RBP4: variants seen among roughly 807,000 people sequenced by gnomAD.
RBP4 encodes the protein retinol-binding protein 4.
RBP4 carries 9 observed loss-of-function variants against 26.2 expected under a neutral mutation model. The ratio of observed to expected loss-of-function variants is 0.34; its 90% CI spans 0.21 to 0.60. The LOEUF is 0.60. Among genes scored for constraint, RBP4 ranks in the 20% least tolerant of loss-of-function variants. The pLI is 0.80. For missense variants in RBP4, 244 were observed against 271.3 expected, an observed-to-expected ratio of 0.90 and a Z score of 0.71; for synonymous variants, 114 against 111.0, an observed-to-expected ratio of 1.03 and a Z score of -0.17.
chr10:93,592,035 T>A lies in RBP4; in HGVS notation c.*40A>T. The A allele has an allele frequency of 6.5e-7, 1 of 1,546,638 alleles. No individual in the cohort carries two copies. The highest frequency in any genetic ancestry group is 2.2e-5 in the East Asian group (1 of 44,534). ...ATAAATAGAGCTGAAGACTGAGAGCTAATCAGAAGTTCTCAGATGAAACTA... is the reference window on the plus strand; with the variant it reads ...ATAAATAGAGCTGAAGACTGAGAGCAAATCAGAAGTTCTCAGATGAAACTA... On this transcript the variant is annotated 3_prime_UTR_variant, in exon 6 of 6. Transcript: ENST00000371464.
At chr10:93,592,430 T>C (rs2058273447) in intron 5 of RBP4, among the ~76,000 whole-genome samples, 1 of 152,154 alleles carries the variant, frequency 6.6e-6, no homozygotes, top group Admixed American at 6.6e-5. Flanking sequence ...CACCCTCAGC[T>C]TTCAGGAAGT....
chr10:93,600,446 G>T lies in RBP4; in HGVS notation c.302C>A (p.Pro101His), dbSNP rs149091963. ...MVGTFTDTED[P>H]AKFKMKYWGV... The stretch of plus-strand genomic sequence containing the variant: ...CCAGTACTTCATCTTGAACTTGGCA[G>T]GGTCCTCGGTGTCTGTGAAGGTGCC... The change falls in exon 4 of 6, where the codon CCT becomes CAT. Residue 101 changes from proline to histidine, a missense_variant. Coordinates refer to ENST00000371464, the MANE Select transcript of RBP4 (RefSeq NM_006744.4). The T allele has an allele frequency of 3.8e-5, 61 of 1,614,134 alleles. No homozygotes were observed. Among genetic ancestry groups the T allele is most frequent in the Non-Finnish European group, 5.0e-5 (59 of 1,180,038 alleles).
intron 4 of RBP4, among the ~76,000 whole-genome samples, chr10:93,598,591 G>T (rs771816053): frequency 1.3e-5 from 2 of 152,046 alleles, no homozygotes; most frequent in African/African-American, 2.4e-5. Flanking sequence ...GTACTTTTTC[G>T]CCCTCCAAAT....
chr10:93,600,302 C>T lies in RBP4; in HGVS notation c.355+91G>A, dbSNP rs73327281. 4,439 of 1,126,594 alleles carry T rather than the reference C, an allele frequency of 3.9e-3. 107 individuals are homozygous for T. The African/African-American group carries it at 0.056, about 14-fold the overall frequency. 69.8% of individuals were successfully genotyped at this position (1,126,594 alleles called of 1,614,324 possible). The stretch of plus-strand genomic sequence containing the variant: ...CAGACCTTTCCGCAGGCCATTCTTC[C>T]TAAGGGTAGGTACCTCTGGAGAAGA... On this transcript the variant is annotated intron_variant, in intron 4 of 5. Coordinates refer to ENST00000371464, the MANE Select transcript of RBP4 (RefSeq NM_006744.4).
intron 4 of RBP4, among the ~76,000 whole-genome samples, chr10:93,597,205 G>C (rs1344289179): frequency 6.6e-6 from 1 of 152,192 alleles, no homozygotes; most frequent in Non-Finnish European, 1.5e-5. Flanking sequence ...TATAGATGGA[G>C]CAGGAACCCT....
chr10:93,595,978 C>T (rs1589684931), intron 4 of RBP4, among the ~76,000 whole-genome samples: 1 of 152,176 alleles, frequency 6.6e-6, no homozygotes, highest in African/African-American at 2.4e-5. Context: ...GGAACAGAAG[C>T]CACAGGGCTG....
At chr10:93,601,725 T>A (rs1216898882), upstream of RBP4, 1 of 777,940 alleles carries the variant, frequency 1.3e-6, no homozygotes, top group Non-Finnish European at 2.4e-6. Context: ...ATCCAAGTAG[T>A]TTTTCATTTT....
At chr10:93,594,296 T>C (rs891008864) in intron 4 of RBP4, among the ~76,000 whole-genome samples, 1 of 152,210 alleles carries the variant, frequency 6.6e-6, no homozygotes, top group African/African-American at 2.4e-5. Context: ...CCTGTGATTA[T>C]GTCAGCATAA....
upstream of RBP4, chr10:93,601,675 C>T (rs750296456): frequency 6.4e-6 from 5 of 778,760 alleles, no homozygotes; most frequent in Non-Finnish European, 1.2e-5. Context: ...CCTCCGTCTG[C>T]CTTCTGAGGT....
rs200234502 is a variant in RBP4, at chr10:93,593,947, A to G, written c.444T>C (p.Ala148=). 7.5e-5 allele frequency: 121 copies of G among 1,614,114 alleles called. No individual in the cohort carries two copies. Among genetic ancestry groups the G allele is most frequent in the Non-Finnish European group, 8.0e-5 (94 of 1,180,050 alleles). Residue 148 remains alanine, a synonymous_variant, in exon 5 of 6, where the codon GCT becomes GCC. Coordinates refer to ENST00000371464, the MANE Select transcript of RBP4 (RefSeq NM_006744.4). The part of the protein sequence containing the change: ...CRLLNLDGTC[A]DSYSFVFSRD... Reference sequence around the variant, plus strand: ...GGGAAAACACGAAGGAGTAGCTGTCAGCACAGGTGCCATCGAGGTTCAGGA... The same window carrying G: ...GGGAAAACACGAAGGAGTAGCTGTCGGCACAGGTGCCATCGAGGTTCAGGA...
At chr10:93,594,429 T>C (rs1270931241) in intron 4 of RBP4, among the ~76,000 whole-genome samples, 1 of 152,186 alleles carries the variant, frequency 6.6e-6, no homozygotes, top group East Asian at 1.9e-4. Flanking sequence ...GTGGCTAATA[T>C]CTGATGGCCA....
intron 1 of RBP4, 25 bp downstream of exon 1, chr10:93,601,146 C>A (rs1013045382): frequency 4.7e-6 from 7 of 1,477,286 alleles, no homozygotes; most frequent in Admixed American, 2.2e-5. Flanking sequence ...CCGCCGCCGG[C>A]CCCGAGGCCC....
In RBP4 at chr10:93,601,170, C is replaced by T; in HGVS notation, c.-19+1G>A. The T allele has an allele frequency of 1.4e-6, 2 of 1,438,072 alleles. No homozygotes were observed. The allele number at this position is 1,438,072 out of a possible 1,614,324, so 89.1% of individuals were successfully genotyped here. ...GCCCCGAGGCCCCGGCCGCGACTCA[C>T]CACCGGGAGGGGAACCGCGCGCAAG... On this transcript the variant is annotated splice_donor_variant, in intron 1 of 5. Transcript: ENST00000371464. LOFTEE classifies it low-confidence loss of function (5UTR_SPLICE).
upstream of RBP4, chr10:93,601,255 C>G (rs539650500): frequency 1.7e-4 from 212 of 1,221,994 alleles, no homozygotes; most frequent in South Asian, 2.2e-4. Flanking sequence ...GCGGCCGCCC[C>G]GCTGCTTTAT....
chr10:93,601,217 C>T lies in RBP4; in HGVS notation c.-65G>A, dbSNP rs2058337243. 2.3e-6 allele frequency: 3 copies of T among 1,298,726 alleles called. No homozygotes were observed. Among genetic ancestry groups the T allele is most frequent in the South Asian group, 2.4e-5 (1 of 42,216 alleles). The allele number at this position is 1,298,726 out of a possible 1,614,324, so 80.5% of individuals were successfully genotyped here. On this transcript the variant is annotated 5_prime_UTR_variant, in exon 1 of 6. Coordinates refer to ENST00000371464, the MANE Select transcript of RBP4 (RefSeq NM_006744.4). ...CAAGCCTGGCCGCCGAGTCCGGGCG[C>T]GCGTGGAGCGAGGGAGGCGAGCGCG... is the stretch of plus-strand genomic sequence containing the variant.
At chr10:93,600,843 C>T (rs766637975) in intron 2 of RBP4, 40 bp from the exon 3 acceptor site, 5 of 1,583,814 alleles carry the variant, frequency 3.2e-6, no homozygotes, top group Non-Finnish European at 4.3e-6. Context: ...CGTCCGGGGG[C>T]GCACGGCGGG....
At chr10:93,593,695 AAG>A (rs1245454342) in intron 5 of RBP4, 126 bp downstream of exon 5, 36 of 1,086,258 alleles carry the variant, frequency 3.3e-5, no homozygotes, top group Non-Finnish European at 4.5e-5. Context: ...TGGCCTCAGA[AAG>A]GGGCTCCCAA....
intron 4 of RBP4, among the ~76,000 whole-genome samples, chr10:93,595,192 A>G (rs1564789103): frequency 6.6e-6 from 1 of 152,214 alleles, no homozygotes; most frequent in Non-Finnish European, 1.5e-5. Flanking sequence ...TGCCACAGAG[A>G]AAGAACAGTG....
At chr10:93,601,255 C>A (rs539650500), upstream of RBP4, 17 of 1,221,886 alleles carry the variant, frequency 1.4e-5, no homozygotes, top group Admixed American at 8.9e-5. Flanking sequence ...GCGGCCGCCC[C>A]GCTGCTTTAT....
Sources: allele counts gnomAD v4.1 joint callset (sites outside exome capture counted in the v4.1 genomes callset), GRCh38; gene constraint gnomAD v4.1.1; transcripts MANE v1.5; gene names NCBI Gene and HGNC (gene_info 2026-07-23, HGNC 2026-07-21).